Variants in PIEZO2 observed in about 807,000 individuals in gnomAD.
PIEZO2 encodes piezo-type mechanosensitive ion channel component 2.
PIEZO2 carries 172 observed loss-of-function variants against 337.3 expected under a neutral mutation model. The ratio of observed to expected loss-of-function variants is 0.51; its 90% CI spans 0.45 to 0.58. PIEZO2 has a LOEUF of 0.58. Ranked by LOEUF, PIEZO2 falls within the 20% of genes least tolerant of loss-of-function variation. The probability of loss-of-function intolerance (pLI) is 0.00; values close to 1 mark genes in which losing one functional copy is unlikely to be tolerated. For synonymous variants in PIEZO2, 1,251 were observed against 1,228.5 expected (o/e 1.02, Z -0.38); for missense variants, 3,028 against 3,391.3 (o/e 0.89, Z 2.66).
chr18:10,988,911 G>C lies in PIEZO2; in HGVS notation c.161-9251C>G, dbSNP rs531867553. 6.6e-6 allele frequency among the ~76,000 whole-genome samples: 1 copy of C among 152,108 alleles called. No individual in the cohort carries two copies. The highest frequency in any genetic ancestry group is 1.5e-5 in the Non-Finnish European group (1 of 68,012). ...TGTAGAAGCAGAGAGTAGAATGGTG[G>C]TTATAAGGGGCTGGGGGTGGAGAGC... On this transcript the variant is annotated intron_variant, in intron 2 of 55. Transcript: ENST00000674853. This position sits in a 1 kb window ranked among gnomAD's most constrained non-coding sequence, Gnocchi z 4.8.
chr18:10,991,087 TG>T (rs2035074433), intron 2 of PIEZO2, among the ~76,000 whole-genome samples: 1 of 151,658 alleles, frequency 6.6e-6, no homozygotes, highest in African/African-American at 2.4e-5. Flanking sequence ...ATTTATTAAT[TG>T]TTTTATAGAA....
chr18:10,916,151 T>C (rs886840500), intron 3 of PIEZO2, among the ~76,000 whole-genome samples: 1 of 152,184 alleles, frequency 6.6e-6, no homozygotes, highest in Non-Finnish European at 1.5e-5. Flanking sequence ...GACACTGTGC[T>C]GATTGGTGCA....
chr18:11,057,053 TCACAGCTGATGGA>T (rs2037755700), intron 2 of PIEZO2, among the ~76,000 whole-genome samples: 2 of 151,768 alleles, frequency 1.3e-5, no homozygotes, highest in Admixed American at 1.3e-4. Context: ...CTTGGGATGT[TCACAGCTGATGGA>T]CACAGCTGAC....
intron 3 of PIEZO2, among the ~76,000 whole-genome samples, chr18:10,963,089 A>T (rs2033853273): frequency 6.6e-6 from 1 of 152,126 alleles, no homozygotes; most frequent in Non-Finnish European, 1.5e-5. Context: ...GTTCAAGACC[A>T]GCCTAGCCAG....
chr18:10,720,021 C>T (rs2036190216), intron 36 of PIEZO2, among the ~76,000 whole-genome samples: 1 of 151,824 alleles, frequency 6.6e-6, no homozygotes, highest in South Asian at 2.1e-4. Context: ...TACTGTTGCT[C>T]TGAGGAAGTA....
chr18:10,795,055 C>G lies in PIEZO2; in HGVS notation c.1528-53G>C, dbSNP rs994152641. ...CCATGGTCAATACAATGCTCAGTCC[C>G]CCCCGCCCTGGTAAGGTAAAAACTA... On this transcript the variant is annotated intron_variant, in intron 12 of 55. Transcript: ENST00000674853. This position sits in a 1 kb window ranked among gnomAD's most constrained non-coding sequence, Gnocchi z 4.4. 5.1e-5 allele frequency: 72 copies of G among 1,399,274 alleles called. No individual in the cohort carries two copies. The highest frequency in any genetic ancestry group is 6.8e-5 in the Non-Finnish European group (69 of 1,021,938). 86.7% of individuals were successfully genotyped at this position (1,399,274 alleles called of 1,614,324 possible). A position where few individuals can be genotyped will look rare whatever the true frequency, so the allele number is the denominator to read the frequency against.
Position 11,102,179 on chromosome 18 carries a change from G to A in PIEZO2, c.65-35957C>T, listed in dbSNP as rs986023065. Among the ~76,000 whole-genome samples the A allele has an allele frequency of 6.6e-6, 1 of 152,150 alleles. No homozygotes were observed. Among genetic ancestry groups the A allele is most frequent in the Non-Finnish European group, 1.5e-5 (1 of 68,030 alleles). On this transcript the variant is annotated intron_variant, in intron 1 of 55. Coordinates refer to ENST00000674853, the MANE Select transcript of PIEZO2 (RefSeq NM_001378183.1). The surrounding 1 kb of genome is among the most constrained non-coding windows in gnomAD (Gnocchi z 5.7). The stretch of plus-strand genomic sequence containing the variant: ...TGGTTGAACAAACACAAATTGTGGG[G>A]TGTATGCAAGATGTGATTTTATTTT...
At chr18:10,749,532 C>T (rs1056223390) in intron 29 of PIEZO2, among the ~76,000 whole-genome samples, 36 of 152,092 alleles carry the variant, frequency 2.4e-4, no homozygotes, top group Non-Finnish European at 4.4e-5. Flanking sequence ...AAGTAGCACC[C>T]ATTCTGGGTG....
Position 10,718,193 on chromosome 18 carries a change from T to A in PIEZO2, c.5089+7A>T, listed in dbSNP as rs1339922882. 1 of 1,535,092 alleles carries A rather than the reference T, an allele frequency of 6.5e-7. No individual in the cohort carries two copies. The highest frequency in any genetic ancestry group is 1.2e-5 in the South Asian group (1 of 84,016). ...CCCACAGCTCATATTTGTCTTTATT[T>A]TGTTACCTGGTCCATCGGATTTCTT... is the stretch of plus-strand genomic sequence containing the variant. On this transcript the variant is annotated splice_region_variant and intron_variant, in intron 37 of 55. Transcript: ENST00000674853.
chr18:10,897,182 A>C (rs1038116038), intron 4 of PIEZO2, among the ~76,000 whole-genome samples: 11 of 148,400 alleles, frequency 7.4e-5, no homozygotes, highest in African/African-American at 2.5e-4. Context: ...AAGTCTCAGG[A>C]GATCTGATTT....
intron 2 of PIEZO2, among the ~76,000 whole-genome samples, chr18:11,061,155 C>T (rs2037938604): frequency 2.0e-5 from 3 of 152,082 alleles, no homozygotes; most frequent in Admixed American, 2.0e-4. Flanking sequence ...TGACAAAAAC[C>T]GTATGATTAT....
chr18:10,797,124 C>T (rs1007749306), intron 12 of PIEZO2, among the ~76,000 whole-genome samples: 3 of 151,672 alleles, frequency 2.0e-5, no homozygotes, highest in Admixed American at 2.0e-4. Flanking sequence ...ATTATACATA[C>T]CATCATAGCA....
chr18:11,079,725 T>C (rs189731615), intron 1 of PIEZO2, among the ~76,000 whole-genome samples: 31 of 152,308 alleles, frequency 2.0e-4, no homozygotes, highest in Admixed American at 1.8e-3. Flanking sequence ...TTCATAAGCA[T>C]CCTTCAAATT....
chr18:10,820,470 A>C (rs1303748930), intron 7 of PIEZO2, among the ~76,000 whole-genome samples: 1 of 151,708 alleles, frequency 6.6e-6, no homozygotes, highest in South Asian at 2.1e-4. Context: ...CATTCAGTAG[A>C]TTATTATAGC....
rs560002278 is a variant in PIEZO2 at position 11,095,270 on chromosome 18, A to G, written c.65-29048T>C. On this transcript the variant is annotated intron_variant, in intron 1 of 55. Coordinates refer to ENST00000674853, the MANE Select transcript of PIEZO2 (RefSeq NM_001378183.1). The stretch of plus-strand genomic sequence containing the variant: ...AAGTCTAGACATTGGCTGCCTTCTC[A>G]TTTCTCTTGGAATCCAGTGAGAAAT... Among the ~76,000 whole-genome samples the G allele has an allele frequency of 2.0e-5, 3 of 152,282 alleles. No homozygotes were observed. The East Asian group carries it at 5.8e-4, about 29-fold the overall frequency.
rs895048947 is a variant in PIEZO2, at chr18:10,846,052, C to T, written c.917+9301G>A. Among the ~76,000 whole-genome samples the T allele has an allele frequency of 6.6e-6, 1 of 152,110 alleles. No homozygotes were observed. ...TGATGACCTTTCTGGAAAATAATTTCCCCACACATCTTATAGCCAGTGGCC... is the reference window on the plus strand; with the variant it reads ...TGATGACCTTTCTGGAAAATAATTTTCCCACACATCTTATAGCCAGTGGCC... On this transcript the variant is annotated intron_variant, in intron 7 of 55. Coordinates refer to ENST00000674853, the MANE Select transcript of PIEZO2 (RefSeq NM_001378183.1). This position sits in a 1 kb window ranked among gnomAD's most constrained non-coding sequence, Gnocchi z 4.1.
chr18:10,962,106 A>G lies in PIEZO2; in HGVS notation c.286+17429T>C, dbSNP rs2033806949. Among the ~76,000 whole-genome samples the G allele has an allele frequency of 6.6e-6, 1 of 152,188 alleles. No individual in the cohort carries two copies. Among genetic ancestry groups the G allele is most frequent in the South Asian group, 2.1e-4 (1 of 4,830 alleles). ...GCAGACTGTAATCAACTATATTAGC[A>G]TGACAACAAATTCTTTATGTTGTGA... is the stretch of plus-strand genomic sequence containing the variant. On this transcript the variant is annotated intron_variant, in intron 3 of 55. Coordinates refer to ENST00000674853, the MANE Select transcript of PIEZO2 (RefSeq NM_001378183.1). The surrounding 1 kb of genome is among the most constrained non-coding windows in gnomAD (Gnocchi z 4.1).
At chr18:10,857,379 T>C (rs866165725) in intron 5 of PIEZO2, among the ~76,000 whole-genome samples, 168 bp from the exon 6 acceptor site, 1 of 152,022 alleles carries the variant, frequency 6.6e-6, no homozygotes, top group Admixed American at 6.6e-5. Context: ...AATCCCCGTA[T>C]AAGCCCAAGT....
Position 10,726,227 on chromosome 18 carries a change from C to T in PIEZO2, c.5029+5180G>A. On this transcript the variant is annotated intron_variant, in intron 36 of 55. Transcript: ENST00000674853. The surrounding 1 kb of genome is among the most constrained non-coding windows in gnomAD (Gnocchi z 5.9). ...CACCGGAGGAGGGGCTTCACGCTGC[C>T]TGGGGCTGGAAGAGCTTGTGTGCGA... 1 of 720,272 alleles carries T rather than the reference C, an allele frequency of 1.4e-6. No individual in the cohort carries two copies. Among genetic ancestry groups the T allele is most frequent in the Non-Finnish European group, 2.5e-6 (1 of 404,848 alleles). 44.6% of individuals were successfully genotyped at this position (720,272 alleles called of 1,614,324 possible).
Sources: gnomAD v4.1 joint callset for allele counts (sites outside exome capture counted in the v4.1 genomes callset) on GRCh38, gnomAD v4.1.1 for gene constraint, Gnocchi (gnomAD v3.1) non-coding constraint, MANE v1.5 for transcripts, NCBI Gene and HGNC (gene_info 2026-07-23, HGNC 2026-07-21) for gene names.